The following CSNK1D variants were observed in gnomAD, a reference collection of about 807,000 sequenced individuals.
CSNK1D encodes casein kinase 1 delta, also known as casein kinase I isoform delta.
A neutral mutation model predicts 46.6 loss-of-function variants in CSNK1D; 16 were observed. That is an observed-to-expected ratio of 0.34 (90% confidence interval 0.23 to 0.52). CSNK1D has a LOEUF of 0.52. Ranked by LOEUF, CSNK1D falls within the 20% of genes least tolerant of loss-of-function variation. The pLI is 0.95. For missense variants in CSNK1D, 398 were observed against 578.4 expected, an observed-to-expected ratio of 0.69 and a Z score of 3.20; for synonymous variants, 276 against 228.2, an observed-to-expected ratio of 1.21 and a Z score of -1.89.
chr17:82,254,284 G>A (rs2051102062), intron 3 of CSNK1D: 2 of 289,830 alleles, frequency 6.9e-6, no homozygotes, highest in Non-Finnish European at 1.2e-5. Context: ...CCAGTGCAGT[G>A]CGCTGAGCCG....
At chr17:82,263,453 C>T (rs79583216) in intron 2 of CSNK1D, among the ~76,000 whole-genome samples, 1 of 152,350 alleles carries the variant, frequency 6.6e-6, no homozygotes, top group East Asian at 1.9e-4. Flanking sequence ...CTTTGCCTGC[C>T]AGGGGCCTTC....
downstream of CSNK1D, chr17:82,242,623 T>C: frequency 1.0e-6 from 1 of 983,046 alleles, no homozygotes; most frequent in Non-Finnish European, 1.2e-6. Flanking sequence ...CAGTGAAAAC[T>C]CTCAAGCTGA....
intron 1 of CSNK1D, among the ~76,000 whole-genome samples, chr17:82,271,775 G>A (rs533067855): frequency 6.6e-6 from 1 of 152,354 alleles, no homozygotes; most frequent in African/African-American, 2.4e-5. Context: ...AGTGGGAAGG[G>A]TGTGAGAACT....
At chr17:82,239,917 C>G (rs570883409), downstream of CSNK1D, 18 of 1,041,860 alleles carry the variant, frequency 1.7e-5, no homozygotes, top group South Asian at 8.2e-4. Context: ...CACCCACCTG[C>G]CCTCGTGGCC....
intron 1 of CSNK1D, chr17:82,266,973 T>C (rs2051490068): frequency 7.0e-6 from 1 of 143,106 alleles, no homozygotes; most frequent in African/African-American, 2.6e-5. Flanking sequence ...GGCAGGAGAA[T>C]GGCGTGAACC....
At chr17:82,240,915 T>C (rs1459874414), downstream of CSNK1D, among the ~76,000 whole-genome samples, 1 of 152,154 alleles carries the variant, frequency 6.6e-6, no homozygotes, top group Admixed American at 6.5e-5. Context: ...GGGTCTGCTC[T>C]GACCCGACAG....
rs1727754136 is a variant in CSNK1D at position 82,273,444 on chromosome 17, G to C, written c.-63C>G. 1 of 1,589,228 alleles carries C rather than the reference G, an allele frequency of 6.3e-7. No homozygotes were observed. The highest frequency in any genetic ancestry group is 1.7e-5 in the Admixed American group (1 of 58,742). The stretch of plus-strand genomic sequence containing the variant: ...GCTTCCTGGGTCTGAACTCTGGGAG[G>C]CGGCGCCGCTGCTGCCGCTACTGCG... On this transcript the variant is annotated 5_prime_UTR_variant, in exon 1 of 9. Coordinates refer to ENST00000314028, the MANE Select transcript of CSNK1D (RefSeq NM_001893.6). The surrounding 1 kb of genome is among the most constrained non-coding windows in gnomAD (Gnocchi z 5.1).
intron 2 of CSNK1D, among the ~76,000 whole-genome samples, chr17:82,259,522 T>C (rs1488892170): frequency 6.6e-6 from 1 of 152,228 alleles, no homozygotes; most frequent in Non-Finnish European, 1.5e-5. Context: ...TGTATCAATA[T>C]GCAGACGTCT....
rs2147149264 is a variant in CSNK1D, at chr17:82,244,468, G to A, written c.*313C>T. On this transcript the variant is annotated 3_prime_UTR_variant, in exon 9 of 9. Transcript: ENST00000314028. ...CAGTGGAATCGTCAGGGAGTACAGG[G>A]CGGCCACCACTGGAGGGAGCTGAGG... is the stretch of plus-strand genomic sequence containing the variant. 1 of 1,362,092 alleles carries A rather than the reference G, an allele frequency of 7.3e-7. No individual in the cohort carries two copies. Among genetic ancestry groups the A allele is most frequent in the South Asian group, 1.5e-5 (1 of 65,682 alleles). The allele number at this position is 1,362,092 out of a possible 1,614,324, so 84.4% of individuals were successfully genotyped here. A position where few individuals can be genotyped will look rare whatever the true frequency, so the allele number is the denominator to read the frequency against.
intron 8 of CSNK1D, chr17:82,245,467 G>A (rs561900779): frequency 2.4e-5 from 5 of 211,446 alleles, no homozygotes; most frequent in Admixed American, 5.3e-5. Context: ...AGAGATAAAT[G>A]AGACAGGAAG....
intron 3 of CSNK1D, 106 bp from the exon 4 acceptor site, chr17:82,253,350 G>A (rs1050211134): frequency 2.2e-6 from 2 of 923,688 alleles, no homozygotes; most frequent in South Asian, 1.3e-5. Context: ...CTGCCCCTCA[G>A]CCACAGCAGG....
rs186301980 is a variant in CSNK1D, at chr17:82,252,050, G to A, written c.736+384C>T. On this transcript the variant is annotated intron_variant, in intron 5 of 8. Transcript: ENST00000314028. This position sits in a 1 kb window ranked among gnomAD's most constrained non-coding sequence, Gnocchi z 4.6. ...TAGTTTCATTTGAGGTGTGTATCCTGGGGCAATCCTACAAATGCAAAGGAA... is the reference window on the plus strand; with the variant it reads ...TAGTTTCATTTGAGGTGTGTATCCTAGGGCAATCCTACAAATGCAAAGGAA... Among the ~76,000 whole-genome samples the A allele has an allele frequency of 6.2e-4, 94 of 152,218 alleles. 2 individuals are homozygous for A. Among genetic ancestry groups the A allele is most frequent in the South Asian group, 5.2e-3 (25 of 4,818 alleles).
At chr17:82,260,667 T>C (rs1177665134) in intron 2 of CSNK1D, among the ~76,000 whole-genome samples, 1 of 149,018 alleles carries the variant, frequency 6.7e-6, no homozygotes. Context: ...ATGTGACTGA[T>C]GGTGTACTGA....
At chr17:82,273,726 C>CGGGGCGGGGCCGCGGCGCTCCA (rs779953400), upstream of CSNK1D, 3 of 484,136 alleles carry the variant, frequency 6.2e-6, no homozygotes, top group Non-Finnish European at 1.1e-5. This position sits in a 1 kb window ranked among gnomAD's most constrained non-coding sequence, Gnocchi z 5.1. Context: ...AGCAACCCGG[C>CGGGGCGGGGCCGCGGCGCTCCA]GGGGCGGGGC....
chr17:82,248,034 C>G lies in CSNK1D; in HGVS notation c.1197+841G>C. 1.0e-6 allele frequency: 1 copy of G among 985,444 alleles called. No homozygotes were observed. The highest frequency in any genetic ancestry group is 1.7e-5 in the African/African-American group (1 of 57,346). The allele number at this position is 985,444 out of a possible 1,614,324, so 61.0% of individuals were successfully genotyped here. On this transcript the variant is annotated intron_variant, in intron 8 of 8. Coordinates refer to ENST00000314028, the MANE Select transcript of CSNK1D (RefSeq NM_001893.6). This position sits in a 1 kb window ranked among gnomAD's most constrained non-coding sequence, Gnocchi z 4.1. ...CCTGTGATCCCAACAAACACCTCCC[C>G]ACAAGCCCAGAGCCAGGCTCCAGGG...
chr17:82,239,623 CGCTGCATGGAGGGG>C (rs2050711251), downstream of CSNK1D: 1 of 251,332 alleles, frequency 4.0e-6, no homozygotes, highest in Non-Finnish European at 7.5e-6. Context: ...CAGGGGCAGG[CGCTGCATGGAGGGG>C]GCTGCGGGGC....
At chr17:82,260,678 C>G (rs5029175) in intron 2 of CSNK1D, among the ~76,000 whole-genome samples, 39 of 141,086 alleles carry the variant, frequency 2.8e-4, no homozygotes, top group South Asian at 1.8e-3. Flanking sequence ...GGTGTACTGA[C>G]TGATGTGACT....
At chr17:82,270,344 C>A (rs111932834) in intron 1 of CSNK1D, among the ~76,000 whole-genome samples, 1 of 152,174 alleles carries the variant, frequency 6.6e-6, no homozygotes, top group Non-Finnish European at 1.5e-5. Flanking sequence ...GCCTTCCCCC[C>A]TTCCTGGTCT....
chr17:82,266,737 T>A (rs1472199060), intron 1 of CSNK1D: 42 of 152,304 alleles, frequency 2.8e-4, no homozygotes, highest in Admixed American at 2.7e-3. Flanking sequence ...AGCTCTCTCC[T>A]CTTCCCTCAC....
Sources: allele counts gnomAD v4.1 joint callset (sites outside exome capture counted in the v4.1 genomes callset), GRCh38; gene constraint gnomAD v4.1.1; non-coding constraint Gnocchi (gnomAD v3.1); transcripts MANE v1.5; gene names NCBI Gene and HGNC (gene_info 2026-07-23, HGNC 2026-07-21).